Variants in KMT2B observed in about 807,000 individuals in gnomAD.
KMT2B encodes lysine methyltransferase 2B, also known as histone-lysine N-methyltransferase 2B.
Under a neutral mutation model 255.3 loss-of-function variants are expected in KMT2B, and 22 were observed. That is an observed-to-expected ratio of 0.09 (90% CI 0.06 to 0.12). The LOEUF (loss-of-function observed/expected upper bound fraction) is 0.12. Among genes scored for constraint, KMT2B ranks in the 10% least tolerant of loss-of-function variants. The pLI is 1.00. For synonymous variants in KMT2B, 1,730 were observed against 1,498.1 expected, an observed-to-expected ratio of 1.15 and a Z score of -3.57; for missense variants, 3,149 against 3,737.0, an observed-to-expected ratio of 0.84 and a Z score of 4.10.
At position 35,720,532 on chromosome 19, in the gene KMT2B, A is replaced by G. The variant is rs1232578198; in HGVS notation, c.1185A>G (p.Glu395=). The G allele has an allele frequency of 3.9e-6, 6 of 1,549,978 alleles. No individual in the cohort carries two copies. Among genetic ancestry groups the G allele is most frequent in the Non-Finnish European group, 5.2e-6 (6 of 1,146,298 alleles). The change falls in exon 3 of 37, where the codon GAA becomes GAG. Residue 395 remains glutamate, a synonymous_variant. Coordinates refer to ENST00000420124, the MANE Select transcript of KMT2B (RefSeq NM_014727.3). Reference sequence around the variant, plus strand: ...CTGAGGAGATGATGCCAGCTGCGGAAAAGGAAGAGGCAAAGCTGCCACCAC... The same window carrying G: ...CTGAGGAGATGATGCCAGCTGCGGAGAAGGAAGAGGCAAAGCTGCCACCAC... ...AVAEEMMPAA[E]KEEAKLPPPP...
In KMT2B at chr19:35,728,156, G is replaced by A; in HGVS notation, c.4556G>A (p.Ser1519Asn). 1 of 1,593,766 alleles carries A rather than the reference G, an allele frequency of 6.3e-7. No individual in the cohort carries two copies. Among genetic ancestry groups the A allele is most frequent in the Non-Finnish European group, 8.5e-7 (1 of 1,170,836 alleles). Residue 1519 changes from serine (S) to asparagine (N), a missense_variant, in exon 19 of 37, where the codon AGT becomes AAT. Coordinates refer to ENST00000420124, the MANE Select transcript of KMT2B (RefSeq NM_014727.3). ...CACGACCCCAAGTACTGGCGACGGA[G>A]TACCCGGCTGCCAAAGTGAGCAAGG... Reference protein sequence around the residue: ...DAHDPKYWRRSTRLPNGVLPN... With the variant: ...DAHDPKYWRRNTRLPNGVLPN...
At position 35,737,833 on chromosome 19, in the gene KMT2B, T is replaced by C. The variant is rs540478499; in HGVS notation, c.7659-26T>C. 5 of 1,556,478 alleles carry C rather than the reference T, an allele frequency of 3.2e-6. No individual in the cohort carries two copies. Among genetic ancestry groups the C allele is most frequent in the Non-Finnish European group, 4.4e-6 (5 of 1,149,266 alleles). ...AGAGAGGTCATTCTGAGCACCAGCC[T>C]GGGTGACACTGCTGTCCCTCACCAG... On this transcript the variant is annotated intron_variant, in intron 34 of 36. Transcript: ENST00000420124. This position sits in a 1 kb window ranked among gnomAD's most constrained non-coding sequence, Gnocchi z 5.3.
Position 35,729,071 on chromosome 19 carries a change from T to C in KMT2B, c.4774T>C (p.Ser1592Pro), listed in dbSNP as rs745650543. Residue 1592 changes from serine (S) to proline (P), a missense_variant, in exon 21 of 37, where the codon TCC becomes CCC. Physicochemically the swap from Ser to Pro is moderately conservative, Grantham distance 74. Transcript: ENST00000420124. ...CTGCCTCAAATACGGGGATGCAGAC[T>C]CCAAGGTGAGGGCTGCTCTGTGACG... ...ALCLKYGDAD[S>P]KEAGRLLYIG... The C allele has an allele frequency of 6.2e-7, 1 of 1,613,932 alleles. No individual in the cohort carries two copies. The highest frequency in any genetic ancestry group is 8.5e-7 in the Non-Finnish European group (1 of 1,179,848).
At position 35,737,306 on chromosome 19, in the gene KMT2B, T is replaced by C. The variant is rs1969956744; in HGVS notation, c.7550+43T>C. The stretch of plus-strand genomic sequence containing the variant: ...TGATGCCTGGGTCAGGGCGCCCCTA[T>C]GAGAGCTCTTGAGGGTGGGAGTTAA... On this transcript the variant is annotated intron_variant, in intron 33 of 36. Transcript: ENST00000420124. The surrounding 1 kb of genome is among the most constrained non-coding windows in gnomAD (Gnocchi z 5.3). 1 of 1,450,202 alleles carries C rather than the reference T, an allele frequency of 6.9e-7. No individual in the cohort carries two copies. Among genetic ancestry groups the C allele is most frequent in the African/African-American group, 1.4e-5 (1 of 69,888 alleles). The allele number at this position is 1,450,202 out of a possible 1,614,324, so 89.8% of individuals were successfully genotyped here.
chr19:35,725,697 G>A lies in KMT2B; in HGVS notation c.3790-26G>A, dbSNP rs779564333. On this transcript the variant is annotated intron_variant, in intron 12 of 36. Coordinates refer to ENST00000420124, the MANE Select transcript of KMT2B (RefSeq NM_014727.3). The surrounding 1 kb of genome is among the most constrained non-coding windows in gnomAD (Gnocchi z 4.1). ...GGGCATCCCTGTGCCAGCAGGTTTC[G>A]CCATCTCTGTCTCCACATCCAACAG... 8.1e-6 allele frequency: 13 copies of A among 1,612,646 alleles called. No individual in the cohort carries two copies. The highest frequency in any genetic ancestry group is 5.5e-5 in the South Asian group (5 of 91,010).
chr19:35,722,296 C>A, intron 3 of KMT2B, 63 bp from the exon 4 acceptor site: 1 of 1,490,136 alleles, frequency 6.7e-7, no homozygotes. Flanking sequence ...AGCCACCACA[C>A]CCAGCTCCCT....
In KMT2B at chr19:35,728,681, G is replaced by C. The variant is rs1018240412; in HGVS notation, c.4572-93G>C. The C allele has an allele frequency of 5.4e-5, 46 of 845,264 alleles. 1 individual carries two copies. In the African/African-American group the frequency reaches 7.2e-4, roughly 13 times the overall value. The allele number at this position is 845,264 out of a possible 1,614,324, so 52.4% of individuals were successfully genotyped here. ...AAATTCCACATAGAGAGGGAGTAGC[G>C]GGTGTCATGGCGAGTTCAGGCTGGT... is the stretch of plus-strand genomic sequence containing the variant. On this transcript the variant is annotated intron_variant, in intron 19 of 36. Coordinates refer to ENST00000420124, the MANE Select transcript of KMT2B (RefSeq NM_014727.3).
Position 35,736,686 on chromosome 19 carries a change from C to G in KMT2B, c.7160-4C>G. 1.2e-6 allele frequency: 2 copies of G among 1,613,268 alleles called. No homozygotes were observed. Among genetic ancestry groups the G allele is most frequent in the Non-Finnish European group, 1.7e-6 (2 of 1,179,418 alleles). ...CTTCACTCCAACCTGCTTCTTGGGA[C>G]CAGGTGAGGCTTCGAGCTCTGAGGA... On this transcript the variant is annotated splice_region_variant and splice_polypyrimidine_tract_variant and intron_variant, in intron 30 of 36. Coordinates refer to ENST00000420124, the MANE Select transcript of KMT2B (RefSeq NM_014727.3).
intron 30 of KMT2B, chr19:35,735,759 T>C (rs2079224465): frequency 6.6e-6 from 1 of 152,258 alleles, no homozygotes; most frequent in African/African-American, 2.4e-5. Flanking sequence ...AACCCATTCT[T>C]CTTTTGCCTT....
Position 35,720,229 on chromosome 19 carries a change from C to A in KMT2B, c.882C>A (p.Gly294=). The A allele has an allele frequency of 6.2e-7, 1 of 1,610,442 alleles. No homozygotes were observed. Among genetic ancestry groups the A allele is most frequent in the Admixed American group, 1.7e-5 (1 of 59,634 alleles). The change falls in exon 3 of 37, where the codon GGC becomes GGA. Residue 294 remains glycine (G), a synonymous_variant. Coordinates refer to ENST00000420124, the MANE Select transcript of KMT2B (RefSeq NM_014727.3). ...GCCGTGGAGGCCGTGGAGGCAGGGG[C>A]CGCGGCCGAGGTGGTGGGCTCCCCT... ...QSSRGGRGGR[G]RGRGGGLPFV...
chr19:35,732,400 C>A lies in KMT2B; in HGVS notation c.5851C>A (p.Leu1951Ile). ...VPPPTSVVTA[L>I]TPTSGELAPP... Reference sequence around the variant, plus strand: ...CCCTCCTACCTCAGTCGTCACAGCCCTCACACCTACCTCAGGGGAGCTGGC... The same window carrying A: ...CCCTCCTACCTCAGTCGTCACAGCCATCACACCTACCTCAGGGGAGCTGGC... The change falls in exon 28 of 37, where the codon CTC (leucine) becomes ATC (isoleucine). Residue 1951 changes from leucine (L) to isoleucine (I), a missense_variant. Transcript: ENST00000420124. The A allele has an allele frequency of 6.2e-7, 1 of 1,613,464 alleles. No homozygotes were observed. Among genetic ancestry groups the A allele is most frequent in the African/African-American group, 1.3e-5 (1 of 75,038 alleles).
chr19:35,736,675 GC>G lies in KMT2B; in HGVS notation c.7160-14del. ...GGAAGGGTGATCTTCACTCCAACCT[GC>G]TTCTTGGGACCAGGTGAGGCTTCGA... On this transcript the variant is annotated splice_polypyrimidine_tract_variant and intron_variant, in intron 30 of 36. Transcript: ENST00000420124. The G allele has an allele frequency of 6.2e-7, 1 of 1,612,852 alleles. No individual in the cohort carries two copies. Among genetic ancestry groups the G allele is most frequent in the South Asian group, 1.1e-5 (1 of 91,004 alleles).
chr19:35,727,288 T>C lies in KMT2B; in HGVS notation c.4117+19T>C. The stretch of plus-strand genomic sequence containing the variant: ...CTCTCAGGTGAGTCAGTGGAGCACC[T>C]GGGCTGCAGCCTCAACCCTGTGGGG... On this transcript the variant is annotated intron_variant, in intron 15 of 36. Coordinates refer to ENST00000420124, the MANE Select transcript of KMT2B (RefSeq NM_014727.3). This position sits in a 1 kb window ranked among gnomAD's most constrained non-coding sequence, Gnocchi z 4.2. The C allele has an allele frequency of 6.2e-7, 1 of 1,600,600 alleles. No individual in the cohort carries two copies. The highest frequency in any genetic ancestry group is 8.6e-7 in the Non-Finnish European group (1 of 1,168,264).
intron 22 of KMT2B, 146 bp downstream of exon 22, chr19:35,729,442 C>A: frequency 9.2e-7 from 1 of 1,086,560 alleles, no homozygotes; most frequent in Non-Finnish European, 1.3e-6. Flanking sequence ...GACGTTGGTG[C>A]TGATGGCAGC....
At chr19:35,728,401 G>A (rs1006906495) in intron 19 of KMT2B, among the ~76,000 whole-genome samples, 5 of 152,188 alleles carry the variant, frequency 3.3e-5, no homozygotes. Flanking sequence ...GAATCAGATT[G>A]GGCTCTGCTT....
Position 35,731,965 on chromosome 19 carries a change from C to G in KMT2B, c.5495C>G (p.Pro1832Arg), listed in dbSNP as rs1429168808. The G allele has an allele frequency of 1.2e-6, 2 of 1,613,724 alleles. No individual in the cohort carries two copies. Among genetic ancestry groups the G allele is most frequent in the Non-Finnish European group, 1.7e-6 (2 of 1,179,828 alleles). ...LDTDVLVPGA[P>R]ERHSPIQNLD... ...ACAGATGTTCTTGTCCCTGGAGCTCCTGAGCGCCACTCGCCCATTCAGAAC... is the reference window on the plus strand; with the variant it reads ...ACAGATGTTCTTGTCCCTGGAGCTCGTGAGCGCCACTCGCCCATTCAGAAC... The change falls in exon 27 of 37, where the codon CCT becomes CGT. Residue 1832 changes from proline (P) to arginine (R), a missense_variant. Pro to Arg is a moderately radical substitution (Grantham distance 103). Around this residue, in one of 18 missense-constraint regions of KMT2B, gnomAD observed 897 missense variants for 825.3 expected, o/e 1.09. Coordinates refer to ENST00000420124, the MANE Select transcript of KMT2B (RefSeq NM_014727.3).
In KMT2B at chr19:35,733,304, C is replaced by T. The variant is rs1282227210; in HGVS notation, c.6755C>T (p.Ala2252Val). ...VLPVVGVVRP[A>V]PPPPPPPLTL... ...CCCGTGGTCGGAGTGGTCCGCCCTG[C>T]CCCGCCCCCGCCACCCCCTCCCCTG... The change falls in exon 28 of 37, where the codon GCC becomes GTC. Residue 2252 changes from alanine to valine, a missense_variant. Physicochemically the swap from Ala to Val is moderately conservative, Grantham distance 64 (BLOSUM62 0). Transcript: ENST00000420124. The surrounding 1 kb of genome is among the most constrained non-coding windows in gnomAD (Gnocchi z 4.3). The T allele has an allele frequency of 7.1e-6, 6 of 840,620 alleles. No homozygotes were observed. Among genetic ancestry groups the T allele is most frequent in the Middle Eastern group, 7.5e-4 (2 of 2,684 alleles). The allele number at this position is 840,620 out of a possible 1,614,324, so 52.1% of individuals were successfully genotyped here.
rs766396530 is a variant in KMT2B at position 35,733,084 on chromosome 19, C to T, written c.6535C>T (p.Pro2179Ser). 2 of 1,567,640 alleles carry T rather than the reference C, an allele frequency of 1.3e-6. No individual in the cohort carries two copies. Among genetic ancestry groups the T allele is most frequent in the Non-Finnish European group, 1.7e-6 (2 of 1,156,104 alleles). The change falls in exon 28 of 37, where the codon CCT becomes TCT. Residue 2179 changes from proline (P) to serine (S), a missense_variant. Transcript: ENST00000420124. This position sits in a 1 kb window ranked among gnomAD's most constrained non-coding sequence, Gnocchi z 4.3. The part of the protein sequence containing the change: ...APGVRVLSLG[P>S]APEPPKPATS... ...AGGGGTCCGGGTGTTAAGCCTTGGC[C>T]CTGCCCCTGAGCCCCCCAAACCCGC... is the stretch of plus-strand genomic sequence containing the variant.
Position 35,721,813 on chromosome 19 carries a change from G to A in KMT2B, c.2457+9G>A. On this transcript the variant is annotated intron_variant, in intron 3 of 36. Coordinates refer to ENST00000420124, the MANE Select transcript of KMT2B (RefSeq NM_014727.3). ...TGGCAGCTTCCATGCCGGTGAGTGT[G>A]GTCCCTGGGCCCAGCGGCACACCCA... The A allele has an allele frequency of 1.7e-5, 26 of 1,569,004 alleles. No homozygotes were observed. The highest frequency in any genetic ancestry group is 2.2e-5 in the Non-Finnish European group (26 of 1,156,798).
Sources: allele counts gnomAD v4.1 joint callset (sites outside exome capture counted in the v4.1 genomes callset), GRCh38; gene constraint gnomAD v4.1.1; regional missense constraint gnomAD v4.1.1; non-coding constraint Gnocchi (gnomAD v3.1); transcripts MANE v1.5; gene names NCBI Gene and HGNC (gene_info 2026-07-23, HGNC 2026-07-21).